RASAL2: variants seen among roughly 807,000 people sequenced by gnomAD.
RASAL2 encodes RAS protein activator like 2, also known as ras GTPase-activating protein nGAP.
RASAL2 carries 58 observed loss-of-function variants against 128.9 expected under a neutral mutation model. The ratio of observed to expected loss-of-function variants is 0.45; its 90% CI spans 0.36 to 0.56. The LOEUF (loss-of-function observed/expected upper bound fraction) is 0.56, where lower values mean the gene tolerates loss of function less well. RASAL2 is among the 20% of genes least tolerant of loss of function. The pLI, the probability that RASAL2 is intolerant of heterozygous loss-of-function variation, is 0.00. For synonymous variants in RASAL2, 561 were observed against 580.8 expected (o/e 0.97, Z 0.49); for missense variants, 1,360 against 1,601.6 (o/e 0.85, Z 2.57).
At chr1:178,334,470 C>T (rs113790597) in intron 3 of RASAL2, among the ~76,000 whole-genome samples, 2 of 152,052 alleles carry the variant, frequency 1.3e-5, no homozygotes, top group African/African-American at 2.4e-5. Flanking sequence ...TCCCAAGTAG[C>T]TGGGATTACA....
chr1:178,271,644 G>C (rs1365952981), intron 1 of RASAL2, among the ~76,000 whole-genome samples: 1 of 152,116 alleles, frequency 6.6e-6, no homozygotes, highest in Admixed American at 6.6e-5. Context: ...CCTCAAAGTT[G>C]TTCTTCTTTC....
intron 14 of RASAL2, among the ~76,000 whole-genome samples, chr1:178,461,786 G>A (rs1393785865): frequency 6.6e-6 from 1 of 152,206 alleles, no homozygotes; most frequent in Admixed American, 6.5e-5. Flanking sequence ...GTTGATAGCA[G>A]AAGGGTTATT....
intron 1 of RASAL2, among the ~76,000 whole-genome samples, chr1:178,130,130 AT>A (rs1437660875): frequency 6.6e-6 from 1 of 152,188 alleles, no homozygotes; most frequent in African/African-American, 2.4e-5. Flanking sequence ...TTATAAAACA[AT>A]TACTATATAG....
chr1:178,387,462 G>A (rs1351384966), intron 3 of RASAL2, among the ~76,000 whole-genome samples: 3 of 151,964 alleles, frequency 2.0e-5, no homozygotes, highest in Non-Finnish European at 4.4e-5. Context: ...CCATGTTGGT[G>A]TGCTGCACCC....
intron 3 of RASAL2, among the ~76,000 whole-genome samples, chr1:178,356,027 G>A (rs536262099): frequency 1.5e-4 from 23 of 152,160 alleles, no homozygotes; most frequent in African/African-American, 4.8e-4. Context: ...AAAATTAGCC[G>A]GGATGGTGGC....
intron 1 of RASAL2, among the ~76,000 whole-genome samples, chr1:178,117,418 G>C (rs1401473626): frequency 6.6e-6 from 1 of 152,140 alleles, no homozygotes; most frequent in East Asian, 1.9e-4. Flanking sequence ...TTTTGAAATA[G>C]ATTTATTTAT....
At chr1:178,229,356 C>G (rs1663911318) in intron 1 of RASAL2, among the ~76,000 whole-genome samples, 1 of 152,118 alleles carries the variant, frequency 6.6e-6, no homozygotes, top group South Asian at 2.1e-4. Context: ...TGATACAATC[C>G]AAAATCATGC....
At chr1:178,311,221 G>A (rs1353227368) in intron 3 of RASAL2, among the ~76,000 whole-genome samples, 2 of 140,684 alleles carry the variant, frequency 1.4e-5, no homozygotes, top group African/African-American at 5.4e-5. Context: ...TATGGAGAAC[G>A]AGAAAGAAGA....
intron 3 of RASAL2, among the ~76,000 whole-genome samples, chr1:178,314,462 GAAAT>G (rs1321733620): frequency 1.3e-5 from 2 of 152,140 alleles, no homozygotes; most frequent in African/African-American, 4.8e-5. Flanking sequence ...GCATGAAAAT[GAAAT>G]AAATAAAACA....
intron 3 of RASAL2, among the ~76,000 whole-genome samples, chr1:178,333,428 G>T (rs1013285920): frequency 6.6e-5 from 10 of 151,984 alleles, no homozygotes; most frequent in African/African-American, 2.2e-4. Flanking sequence ...ACCTATTTTT[G>T]TTTTTTGTCA....
At chr1:178,295,205 T>C (rs768871635) in intron 2 of RASAL2, among the ~76,000 whole-genome samples, 16 of 150,900 alleles carry the variant, frequency 1.1e-4, no homozygotes, top group Non-Finnish European at 4.4e-5. Context: ...ATGTCTAGAA[T>C]GTCTAGAGTG....
intron 1 of RASAL2, among the ~76,000 whole-genome samples, chr1:178,108,955 A>G (rs1440231179): frequency 6.6e-6 from 1 of 152,178 alleles, no homozygotes; most frequent in African/African-American, 2.4e-5. Context: ...AAATTCATGT[A>G]TTTTTAGCAG....
intron 3 of RASAL2, among the ~76,000 whole-genome samples, chr1:178,357,337 A>G (rs1394709851): frequency 6.8e-6 from 1 of 147,066 alleles, no homozygotes; most frequent in Non-Finnish European, 1.5e-5. Context: ...CCATATAGCT[A>G]GTTGTTTCAG....
chr1:178,276,518 TG>T (rs1300492770), intron 1 of RASAL2, among the ~76,000 whole-genome samples: 42 of 148,078 alleles, frequency 2.8e-4, no homozygotes, highest in Non-Finnish European at 5.0e-4. Context: ...ACAATTTTTT[TG>T]TTTTTTTTTT....
intron 3 of RASAL2, among the ~76,000 whole-genome samples, chr1:178,345,796 G>A (rs1397802922): frequency 6.6e-6 from 1 of 152,162 alleles, no homozygotes; most frequent in Non-Finnish European, 1.5e-5. Context: ...GCTTGTGTGA[G>A]TACATAGAAT....
intron 1 of RASAL2, among the ~76,000 whole-genome samples, chr1:178,175,166 T>C (rs1007337965): frequency 1.3e-5 from 2 of 152,210 alleles, no homozygotes; most frequent in African/African-American, 4.8e-5. Flanking sequence ...TCCCTTTCAT[T>C]GCCATGATTT....
chr1:178,337,753 C>T (rs182142412), intron 3 of RASAL2, among the ~76,000 whole-genome samples: 559 of 150,714 alleles, frequency 3.7e-3, no homozygotes, highest in Non-Finnish European at 6.2e-3. Flanking sequence ...TTTTTTGAGA[C>T]GGAGTTTTGC....
intron 1 of RASAL2, among the ~76,000 whole-genome samples, chr1:178,189,940 T>C (rs979170284): frequency 2.0e-5 from 3 of 152,188 alleles, no homozygotes; most frequent in African/African-American, 7.2e-5. Flanking sequence ...TACTGCTTTG[T>C]GCTGTGAACC....
intron 10 of RASAL2, among the ~76,000 whole-genome samples, chr1:178,452,048 T>C (rs1037174807): frequency 1.3e-5 from 2 of 152,188 alleles, no homozygotes; most frequent in Non-Finnish European, 2.9e-5. Flanking sequence ...ATTTTGATCA[T>C]TGCTCTAACT....
Sources: allele counts gnomAD v4.1 joint callset (sites outside exome capture counted in the v4.1 genomes callset), GRCh38; gene constraint gnomAD v4.1.1; transcripts MANE v1.5; gene names NCBI Gene and HGNC (gene_info 2026-07-23, HGNC 2026-07-21).